Variants in RBM47 observed in about 807,000 individuals in gnomAD.
RBM47 encodes the protein RNA binding motif protein 47.
Under a neutral mutation model 47.1 loss-of-function variants are expected in RBM47, and 21 were observed. That is an observed-to-expected ratio of 0.45 (90% CI 0.32 to 0.64). The LOEUF is 0.64. Ranked by LOEUF, RBM47 falls within the 30% of genes least tolerant of loss-of-function variation. RBM47 has a pLI of 0.05. For synonymous variants in RBM47, 375 were observed against 361.7 expected (o/e 1.04, Z -0.42); for missense variants, 708 against 870.9 (o/e 0.81, Z 2.35).
chr4:40,454,634 T>C (rs1285109759), intron 3 of RBM47, among the ~76,000 whole-genome samples: 3 of 152,186 alleles, frequency 2.0e-5, no homozygotes, highest in Non-Finnish European at 4.4e-5. Flanking sequence ...TAGCTGGGAC[T>C]ATAGACAAGT....
At chr4:40,549,238 C>T (rs1577935681) in intron 1 of RBM47, among the ~76,000 whole-genome samples, 1 of 151,184 alleles carries the variant, frequency 6.6e-6, no homozygotes, top group Middle Eastern at 3.2e-3. Context: ...ACTACAGGCA[C>T]GCACCACCGT....
In RBM47 at chr4:40,432,758, G is replaced by T. The variant is rs779218041; in HGVS notation, c.1435C>A (p.Pro479Thr). Residue 479 changes from proline (P) to threonine (T), a missense_variant, in exon 6 of 7, where the codon CCC (proline) becomes ACC (threonine). By Grantham distance (38) the Pro-to-Thr change is conservative (BLOSUM62 -1). Coordinates refer to ENST00000295971, the MANE Select transcript of RBM47 (RefSeq NM_001098634.2). The part of the protein sequence containing the change: ...KIHTVEHMIS[P>T]IAVQPDPASA... The stretch of plus-strand genomic sequence containing the variant: ...GCTGGGTCTGGCTGCACAGCAATGG[G>T]GCTGATCATGTGCTCCACTGTGTGG... 6.2e-7 allele frequency: 1 copy of T among 1,613,340 alleles called. No individual in the cohort carries two copies. The highest frequency in any genetic ancestry group is 1.1e-5 in the South Asian group (1 of 91,014).
intron 1 of RBM47, among the ~76,000 whole-genome samples, chr4:40,612,643 T>C (rs1468109173): frequency 3.3e-5 from 5 of 152,232 alleles, no homozygotes; most frequent in Admixed American, 3.3e-4. Flanking sequence ...TGTAGGACTT[T>C]TGTGACCTTA....
At chr4:40,430,250 A>C (rs201189155) in intron 6 of RBM47, among the ~76,000 whole-genome samples, 4 of 24,690 alleles carry the variant, frequency 1.6e-4, no homozygotes, top group Non-Finnish European at 2.9e-4. Context: ...AAAAACAAAC[A>C]AAAAAAAAAC....
In RBM47 at chr4:40,423,704, CTTTCTTT is replaced by C. The variant is rs1714672842; in HGVS notation, c.*2193_*2199del. Reference sequence around the variant, plus strand: ...TCTTTCTTTCTTTCTTTCTTTCTTTCTTTCTTTCTTTTCTTTCTTTTCTTTCTTCCTC... The same window carrying C: ...TCTTTCTTTCTTTCTTTCTTTCTTTCCTTTTCTTTCTTTTCTTTCTTCCTC... On this transcript the variant is annotated 3_prime_UTR_variant, in exon 7 of 7. Transcript: ENST00000295971. 2.2e-5 allele frequency: 1 copy of C among 45,540 alleles called. No homozygotes were observed. The highest frequency in any genetic ancestry group is 4.4e-5 in the Non-Finnish European group (1 of 22,918). 2.8% of individuals were successfully genotyped at this position (45,540 alleles called of 1,614,324 possible).
chr4:40,437,692 A>T, intron 4 of RBM47, 79 bp downstream of exon 4: 1 of 1,412,440 alleles, frequency 7.1e-7, no homozygotes, highest in Non-Finnish European at 9.7e-7. Flanking sequence ...AGCAAATGCC[A>T]GCCACGGTAT....
chr4:40,438,703 C>A lies in RBM47; in HGVS notation c.191G>T (p.Gly64Val). Residue 64 changes from glycine to valine, a missense_variant, in exon 4 of 7, where the codon GGC becomes GTC. Gly to Val is a moderately radical substitution (Grantham distance 109, BLOSUM62 -3). Transcript: ENST00000295971. ...KYGGPPPGWE[G>V]PHPQRGCEVF... ...CTCGCAGCCACGCTGCGGGTGCGGG[C>A]CCTCCCAGCCGGGCGGTGGGCCGCC... is the stretch of plus-strand genomic sequence containing the variant. 1 of 1,610,524 alleles carries A rather than the reference C, an allele frequency of 6.2e-7. No individual in the cohort carries two copies. The highest frequency in any genetic ancestry group is 1.1e-5 in the South Asian group (1 of 90,932).
At chr4:40,498,077 T>TATATATATATATATA (rs1722875864) in intron 2 of RBM47, among the ~76,000 whole-genome samples, 1 of 144,442 alleles carries the variant, frequency 6.9e-6, no homozygotes, top group South Asian at 2.1e-4. Context: ...TATATATATA[T>TATATATATATATATA]ATGTTTATCT....
chr4:40,439,315 T>C (rs1056221498), intron 3 of RBM47, among the ~76,000 whole-genome samples: 1 of 152,256 alleles, frequency 6.6e-6, no homozygotes, highest in Non-Finnish European at 1.5e-5. Flanking sequence ...AAACTCCATG[T>C]ATTTCTTTGG....
intron 2 of RBM47, chr4:40,544,051 G>A (rs1376969817): frequency 1.3e-5 from 2 of 152,174 alleles, no homozygotes; most frequent in African/African-American, 4.8e-5. Flanking sequence ...TTTCAGACAT[G>A]TTAAATTGTA....
chr4:40,427,133 A>G (rs1715174731), intron 6 of RBM47: 1 of 152,226 alleles, frequency 6.6e-6, no homozygotes, highest in Non-Finnish European at 1.5e-5. Context: ...GTGACCTTAA[A>G]AAATTGTGAC....
At chr4:40,493,189 G>C (rs1722125667) in intron 2 of RBM47, among the ~76,000 whole-genome samples, 1 of 152,138 alleles carries the variant, frequency 6.6e-6, no homozygotes, top group East Asian at 1.9e-4. Flanking sequence ...CTATGAGCTG[G>C]GTGCCGAGGT....
At chr4:40,573,837 G>A (rs982615135) in intron 1 of RBM47, among the ~76,000 whole-genome samples, 58 of 145,910 alleles carry the variant, frequency 4.0e-4, no homozygotes, top group Non-Finnish European at 7.6e-4. Flanking sequence ...GAAAGAAAGA[G>A]AAAGAAAGAA....
intron 1 of RBM47, among the ~76,000 whole-genome samples, chr4:40,562,118 G>A (rs1358657572): frequency 6.6e-6 from 1 of 152,152 alleles, no homozygotes; most frequent in African/African-American, 2.4e-5. Context: ...GTGATAATCT[G>A]CAAAATCCAC....
chr4:40,431,646 A>G (rs1716070430), intron 6 of RBM47, among the ~76,000 whole-genome samples: 1 of 110,672 alleles, frequency 9.0e-6, no homozygotes. Context: ...CGACAGAGCG[A>G]GACTCCGTCT....
At chr4:40,504,512 C>G (rs1369818102) in intron 2 of RBM47, among the ~76,000 whole-genome samples, 1 of 152,006 alleles carries the variant, frequency 6.6e-6, no homozygotes, top group African/African-American at 2.4e-5. Context: ...AGGCTGATCT[C>G]GAACTCCTGA....
chr4:40,443,913 A>G (rs1714094617), intron 3 of RBM47, among the ~76,000 whole-genome samples: 1 of 152,028 alleles, frequency 6.6e-6, no homozygotes, highest in Admixed American at 6.6e-5. Context: ...TAAAAGATAA[A>G]TGAGGCTGGG....
intron 1 of RBM47, among the ~76,000 whole-genome samples, chr4:40,594,376 T>C (rs954964715): frequency 1.3e-4 from 20 of 152,184 alleles, no homozygotes; most frequent in African/African-American, 4.3e-4. Flanking sequence ...AGGAGTGACA[T>C]TGGACCAAGA....
At chr4:40,430,102 G>A (rs565492478) in intron 6 of RBM47, among the ~76,000 whole-genome samples, 27 of 152,232 alleles carry the variant, frequency 1.8e-4, no homozygotes, top group Non-Finnish European at 2.9e-4. Context: ...GGCTGAGGCC[G>A]GAGAATCGCC....
Sources: gnomAD v4.1 joint callset for allele counts (sites outside exome capture counted in the v4.1 genomes callset) on GRCh38, gnomAD v4.1.1 for gene constraint, MANE v1.5 for transcripts, NCBI Gene and HGNC (gene_info 2026-07-23, HGNC 2026-07-21) for gene names.